LYPD6B: variants seen among roughly 807,000 people sequenced by gnomAD.
LYPD6B encodes LY6/PLAUR domain containing 6B, also known as ly6/PLAUR domain-containing protein 6B.
A neutral mutation model predicts 22.8 loss-of-function variants in LYPD6B; 17 were observed. The ratio of observed to expected loss-of-function variants is 0.75; its 90% CI spans 0.51 to 1.12. The LOEUF (loss-of-function observed/expected upper bound fraction) is 1.12. Among genes scored for constraint, LYPD6B ranks in the 50% most tolerant of loss-of-function variants. LYPD6B has a pLI of 0.00. For synonymous variants in LYPD6B, 106 were observed against 91.6 expected (o/e 1.16, Z -0.90); for missense variants, 221 against 258.3 (o/e 0.86, Z 0.99).
chr2:149,193,095 A>T (rs1032663754), intron 3 of LYPD6B, among the ~76,000 whole-genome samples: 41 of 152,264 alleles, frequency 2.7e-4, no homozygotes, highest in Non-Finnish European at 4.0e-4. Context: ...AGTGGGCTCC[A>T]CATCCCATAC....
At chr2:149,072,531 T>TATTTC (rs1558981283) in intron 1 of LYPD6B, among the ~76,000 whole-genome samples, 1 of 126,748 alleles carries the variant, frequency 7.9e-6, no homozygotes, top group African/African-American at 3.0e-5. Context: ...TATTTTATTT[T>TATTTC]ATTTCATTTT....
At chr2:149,139,531 G>A (rs1277783465) in intron 2 of LYPD6B, among the ~76,000 whole-genome samples, 4 of 152,116 alleles carry the variant, frequency 2.6e-5, no homozygotes, top group South Asian at 4.1e-4. Flanking sequence ...TAGGGTCGGC[G>A]GTGACAGATG....
At chr2:149,050,259 CT>C in intron 1 of LYPD6B, among the ~76,000 whole-genome samples, 2 of 151,406 alleles carry the variant, frequency 1.3e-5, no homozygotes, top group South Asian at 4.2e-4. Flanking sequence ...TTTTGTCCAC[CT>C]TTTCTTCTCG....
At chr2:149,071,948 T>C (rs1323069148) in intron 1 of LYPD6B, among the ~76,000 whole-genome samples, 2 of 152,186 alleles carry the variant, frequency 1.3e-5, no homozygotes, top group African/African-American at 2.4e-5. Context: ...CCCTTTTTTT[T>C]TGAGACAGAG....
chr2:149,050,444 C>T (rs922860), intron 1 of LYPD6B, among the ~76,000 whole-genome samples: 127,720 of 152,188 alleles, frequency 0.84, 54,197 homozygotes, highest in East Asian at 0.98. Flanking sequence ...TCATTGGTAT[C>T]GTGTTGAAAA....
intron 1 of LYPD6B, among the ~76,000 whole-genome samples, chr2:149,122,371 T>C (rs1687416084): frequency 6.6e-6 from 1 of 152,134 alleles, no homozygotes; most frequent in African/African-American, 2.4e-5. Flanking sequence ...GATGGAGGCA[T>C]GTTTCTCATT....
At chr2:149,093,222 A>C (rs913789848) in intron 1 of LYPD6B, among the ~76,000 whole-genome samples, 1 of 151,852 alleles carries the variant, frequency 6.6e-6, no homozygotes, top group African/African-American at 2.4e-5. Context: ...CATTTTTGGC[A>C]ACGATCAAAG....
chr2:149,152,402 A>T (rs780306841), intron 2 of LYPD6B, among the ~76,000 whole-genome samples: 1 of 152,188 alleles, frequency 6.6e-6, no homozygotes, highest in South Asian at 2.1e-4. Flanking sequence ...ATTCATTTTC[A>T]TGAAGCCAAC....
At chr2:149,090,554 G>A (rs6752453) in intron 1 of LYPD6B, among the ~76,000 whole-genome samples, 4,817 of 152,068 alleles carry the variant, frequency 0.032, 228 homozygotes, top group African/African-American at 0.11. Context: ...CTCCAGGATT[G>A]TTCATGTTAA....
At chr2:149,137,594 A>G (rs1688446724) in intron 2 of LYPD6B, among the ~76,000 whole-genome samples, 1 of 152,246 alleles carries the variant, frequency 6.6e-6, no homozygotes, top group Non-Finnish European at 1.5e-5. Context: ...CATGCTCAGC[A>G]TAGCAGATGC....
chr2:149,095,481 A>G (rs1207305101), intron 1 of LYPD6B, among the ~76,000 whole-genome samples: 1 of 152,194 alleles, frequency 6.6e-6, no homozygotes, highest in East Asian at 1.9e-4. Context: ...TTGGTTAAGC[A>G]TAGGAATACT....
chr2:149,171,849 A>T (rs951995794), intron 3 of LYPD6B, among the ~76,000 whole-genome samples: 2 of 152,146 alleles, frequency 1.3e-5, no homozygotes, highest in African/African-American at 4.8e-5. Context: ...CCAATGATCT[A>T]TGTGAGAGCC....
intron 1 of LYPD6B, among the ~76,000 whole-genome samples, chr2:149,116,885 T>C (rs1278607432): frequency 6.6e-6 from 1 of 152,174 alleles, no homozygotes; most frequent in African/African-American, 2.4e-5. Context: ...TTCTCAAAAC[T>C]CTTTGATCCT....
chr2:149,130,805 C>CT, intron 1 of LYPD6B, 78 bp from the exon 2 acceptor site: 1 of 689,054 alleles, frequency 1.5e-6, no homozygotes, highest in Non-Finnish European at 2.6e-6. Context: ...CTAAAACCCC[C>CT]TACTTACTTA....
intron 4 of LYPD6B, among the ~76,000 whole-genome samples, chr2:149,207,199 C>G (rs1488364888): frequency 6.6e-6 from 1 of 152,130 alleles, no homozygotes; most frequent in African/African-American, 2.4e-5. Context: ...ATAGGCAAAA[C>G]TGAAATATAT....
Position 149,214,807 on chromosome 2 carries a change from T to G in LYPD6B, c.*97T>G. The G allele has an allele frequency of 7.8e-7, 1 of 1,279,312 alleles. No individual in the cohort carries two copies. The highest frequency in any genetic ancestry group is 2.4e-4 in the Middle Eastern group (1 of 4,202). The allele number at this position is 1,279,312 out of a possible 1,614,324, so 79.2% of individuals were successfully genotyped here. A position where few individuals can be genotyped will look rare whatever the true frequency, so the allele number is the denominator to read the frequency against. On this transcript the variant is annotated 3_prime_UTR_variant, in exon 7 of 7. Transcript: ENST00000409642. ...TTGGAGTGAAGATCAATCTTGCACT[T>G]GGTGAAGAGTGCACATTGGACCTCA...
At chr2:149,150,602 C>T (rs1244941679) in intron 2 of LYPD6B, among the ~76,000 whole-genome samples, 4 of 151,900 alleles carry the variant, frequency 2.6e-5, no homozygotes, top group Admixed American at 2.6e-4. Flanking sequence ...TCCCCTTCTT[C>T]TCCAGAAACT....
intron 1 of LYPD6B, among the ~76,000 whole-genome samples, chr2:149,050,852 C>T (rs984755194): frequency 2.6e-5 from 4 of 152,026 alleles, no homozygotes; most frequent in Non-Finnish European, 4.4e-5. Context: ...TCAAAGATTT[C>T]CTGTCTTAAT....
intron 1 of LYPD6B, among the ~76,000 whole-genome samples, chr2:149,095,623 A>G (rs1375808877): frequency 1.3e-5 from 2 of 152,174 alleles, no homozygotes; most frequent in Non-Finnish European, 2.9e-5. Flanking sequence ...TGAGAACAAA[A>G]CCATGAACTA....
Sources: allele counts gnomAD v4.1 joint callset (sites outside exome capture counted in the v4.1 genomes callset), GRCh38; gene constraint gnomAD v4.1.1; transcripts MANE v1.5; gene names NCBI Gene and HGNC (gene_info 2026-07-23, HGNC 2026-07-21).